PCDH15: variants seen among roughly 807,000 people sequenced by gnomAD.
PCDH15 encodes the protein protocadherin related 15.
A neutral mutation model predicts 178.5 loss-of-function variants in PCDH15; 129 were observed. That is an observed-to-expected ratio of 0.72 (90% CI 0.63 to 0.84). The LOEUF is 0.84. Ranked by LOEUF, PCDH15 falls within the 40% of genes least tolerant of loss-of-function variation. The pLI is 0.00. For missense variants in PCDH15, 2,230 were observed against 2,099.9 expected (o/e 1.06, Z -1.21); for synonymous variants, 800 against 732.0 (o/e 1.09, Z -1.50).
intron 23 of PCDH15, among the ~76,000 whole-genome samples, chr10:53,950,303 A>C (rs2086911288): frequency 6.6e-6 from 1 of 152,038 alleles, no homozygotes; most frequent in South Asian, 2.1e-4. Flanking sequence ...TATTATATAT[A>C]TACCAGTATA....
At chr10:55,296,020 G>T (rs1461918658) in intron 1 of PCDH15, among the ~76,000 whole-genome samples, 1 of 152,096 alleles carries the variant, frequency 6.6e-6, no homozygotes, top group African/African-American at 2.4e-5. Flanking sequence ...CTTATACTTT[G>T]CTGTAATGAC....
Position 55,124,397 on chromosome 10 carries a change from C to T in PCDH15, c.-80+42179G>A, listed in dbSNP as rs79059085. On this transcript the variant is annotated intron_variant, in intron 2 of 5. Transcript: ENST00000458638. ...AGTAAACAGCCATTCAAGATGATTT[C>T]GAATGATGTAAACATGCACACACAC... 8.1e-4 allele frequency among the ~76,000 whole-genome samples: 123 copies of T among 152,124 alleles called. No individual in the cohort carries two copies. In the East Asian group the frequency reaches 0.012, roughly 14 times the overall value.
At chr10:54,979,668 CAAA>C (rs57794335) in intron 2 of PCDH15, among the ~76,000 whole-genome samples, 34,866 of 108,406 alleles carry the variant, frequency 0.32, 3,827 homozygotes, top group South Asian at 0.41. Flanking sequence ...GACTGTGTCT[CAAA>C]AAAAAAAAAA....
chr10:55,494,271 A>G (rs1333072933), intron 2 of PCDH15, among the ~76,000 whole-genome samples: 3 of 151,690 alleles, frequency 2.0e-5, no homozygotes, highest in Non-Finnish European at 4.4e-5. Flanking sequence ...GTCTACTTTG[A>G]TATTCATATA....
intron 2 of PCDH15, among the ~76,000 whole-genome samples, chr10:55,017,382 G>A (rs1840209435): frequency 6.6e-6 from 1 of 152,000 alleles, no homozygotes; most frequent in Non-Finnish European, 1.5e-5. Flanking sequence ...GTAAAATATA[G>A]TTTGGAAAAA....
intron 2 of PCDH15, among the ~76,000 whole-genome samples, chr10:54,916,925 T>C (rs1218235464): frequency 6.6e-6 from 1 of 152,092 alleles, no homozygotes; most frequent in Non-Finnish European, 1.5e-5. Context: ...GTGCTTACTG[T>C]CACATAGGAG....
intron 6 of PCDH15, among the ~76,000 whole-genome samples, chr10:54,345,709 A>G (rs1342296): frequency 0.33 from 48,908 of 149,270 alleles, 8,969 homozygotes; most frequent in African/African-American, 0.51. Context: ...GTGAAACCCC[A>G]TCTCTACTAA....
intron 2 of PCDH15, among the ~76,000 whole-genome samples, chr10:55,372,067 C>CA (rs1845519864): frequency 6.6e-6 from 1 of 152,114 alleles, no homozygotes; most frequent in African/African-American, 2.4e-5. Flanking sequence ...GAACAATCAT[C>CA]AGCTAATTGT....
intron 2 of PCDH15, among the ~76,000 whole-genome samples, chr10:55,098,342 A>C (rs372103983): frequency 2.4e-4 from 37 of 152,258 alleles, no homozygotes; most frequent in African/African-American, 8.9e-4. Flanking sequence ...TAGGAGTTAA[A>C]AAGAAATTAT....
chr10:55,422,904 T>C (rs16907409), intron 2 of PCDH15, among the ~76,000 whole-genome samples: 2,074 of 151,968 alleles, frequency 0.014, 42 homozygotes, highest in African/African-American at 0.046. Context: ...TGCCTATCAC[T>C]ATAAATCAAC....
chr10:55,041,552 T>A (rs1840863622), intron 2 of PCDH15, among the ~76,000 whole-genome samples: 1 of 151,982 alleles, frequency 6.6e-6, no homozygotes. Flanking sequence ...TGTCCTGCAT[T>A]TTTTTTTCTT....
intron 3 of PCDH15, among the ~76,000 whole-genome samples, chr10:54,824,497 G>A (rs61575983): frequency 0.036 from 5,403 of 152,170 alleles, 273 homozygotes; most frequent in African/African-American, 0.12. Context: ...GGCAGGAGGC[G>A]CTCTCCAGCC....
chr10:54,455,259 G>A (rs1210767861), intron 3 of PCDH15, among the ~76,000 whole-genome samples: 1 of 152,142 alleles, frequency 6.6e-6, no homozygotes, highest in East Asian at 1.9e-4. Context: ...AGTGCAGAGA[G>A]TGGGGCGCTG....
intron 2 of PCDH15, among the ~76,000 whole-genome samples, chr10:55,050,161 T>G (rs1329014405): frequency 6.6e-6 from 1 of 152,032 alleles, no homozygotes; most frequent in Non-Finnish European, 1.5e-5. Flanking sequence ...ATGGATGTAT[T>G]GTTTAACCCA....
intron 8 of PCDH15, among the ~76,000 whole-genome samples, chr10:54,274,361 C>A (rs1359317133): frequency 6.6e-6 from 1 of 152,024 alleles, no homozygotes; most frequent in Non-Finnish European, 1.5e-5. Context: ...TCCCAAACCC[C>A]TTTGCCTAGT....
At chr10:54,461,832 A>C (rs1340112928) in intron 3 of PCDH15, among the ~76,000 whole-genome samples, 1 of 152,116 alleles carries the variant, frequency 6.6e-6, no homozygotes, top group Admixed American at 6.6e-5. Context: ...TTCTTATGGT[A>C]ATGTTTAATT....
intron 15 of PCDH15, among the ~76,000 whole-genome samples, chr10:54,129,230 A>G (rs994190156): frequency 6.6e-6 from 1 of 152,220 alleles, no homozygotes; most frequent in Non-Finnish European, 1.5e-5. Flanking sequence ...CGCAGCTGAC[A>G]TTCAGTAACA....
Position 55,209,629 on chromosome 10 carries a change from G to T in PCDH15, c.-155-42978C>A, listed in dbSNP as rs374331995. ...ATCCAGGACCACTCCTGGGTATTTT[G>T]TTTGTGCAGTGGATGAATAAATGAT... On this transcript the variant is annotated intron_variant, in intron 1 of 5. Transcript: ENST00000458638. 6.4e-4 allele frequency among the ~76,000 whole-genome samples: 98 copies of T among 152,186 alleles called. 1 individual carries two copies. The highest frequency in any genetic ancestry group is 2.2e-3 in the African/African-American group (91 of 41,478).
chr10:54,151,950 G>A (rs143183707), intron 14 of PCDH15, among the ~76,000 whole-genome samples: 12 of 152,118 alleles, frequency 7.9e-5, no homozygotes, highest in African/African-American at 2.6e-4. Context: ...GTGGTAATAG[G>A]TTATAAAATA....
Sources: gnomAD v4.1 joint callset for allele counts (sites outside exome capture counted in the v4.1 genomes callset) on GRCh38, gnomAD v4.1.1 for gene constraint, MANE v1.5 for transcripts, NCBI Gene and HGNC (gene_info 2026-07-23, HGNC 2026-07-21) for gene names.